Variants in AOPEP observed in about 807,000 individuals in gnomAD.
AOPEP encodes aminopeptidase O (putative).
A neutral mutation model predicts 98.1 loss-of-function variants in AOPEP; 77 were observed. That is an observed-to-expected ratio of 0.78 (90% CI 0.65 to 0.95). AOPEP has a LOEUF of 0.95. Among genes scored for constraint, AOPEP ranks in the 40% least tolerant of loss-of-function variants. The pLI is 0.00. For missense variants in AOPEP, 1,024 were observed against 1,024.7 expected (o/e 1.00, Z 0.01); for synonymous variants, 346 against 365.3 (o/e 0.95, Z 0.60).
intron 13 of AOPEP, among the ~76,000 whole-genome samples, chr9:95,018,104 T>C (rs2133106450): frequency 6.6e-6 from 1 of 152,370 alleles, no homozygotes; most frequent in East Asian, 1.9e-4. Flanking sequence ...CTGGTATAAC[T>C]GTCTTTGTGT....
At chr9:94,832,650 T>C (rs1245988820) in intron 5 of AOPEP, among the ~76,000 whole-genome samples, 1 of 152,164 alleles carries the variant, frequency 6.6e-6, no homozygotes, top group Non-Finnish European at 1.5e-5. Flanking sequence ...TTAAAGAAAC[T>C]GGGATATCCA....
chr9:95,106,646 A>G, the AOPEP span, among the ~76,000 whole-genome samples: 1,054 of 152,314 alleles, frequency 6.9e-3, 13 homozygotes, highest in African/African-American at 0.023. Flanking sequence ...ATTTTTTTAA[A>G]GATTAACAGA....
chr9:94,990,168 C>G (rs1035813395), intron 11 of AOPEP, among the ~76,000 whole-genome samples: 1 of 152,134 alleles, frequency 6.6e-6, no homozygotes, highest in East Asian at 1.9e-4. Flanking sequence ...AAAACAAATA[C>G]GCTTGGAGGG....
At chr9:95,110,531 T>C in the AOPEP span, 4 of 1,031,040 alleles carry the variant, frequency 3.9e-6, no homozygotes, top group Middle Eastern at 4.5e-4. Context: ...CACAAAGCTT[T>C]ATTTCTGATC....
At chr9:95,103,672 G>A in the AOPEP span, among the ~76,000 whole-genome samples, 1 of 152,232 alleles carries the variant, frequency 6.6e-6, no homozygotes, top group Non-Finnish European at 1.5e-5. Flanking sequence ...GGGCCTCATG[G>A]ATGGCGTTCT....
At chr9:94,877,489 C>A (rs1441787111) in intron 5 of AOPEP, among the ~76,000 whole-genome samples, 3 of 145,718 alleles carry the variant, frequency 2.1e-5, no homozygotes, top group Non-Finnish European at 3.0e-5. Context: ...GTGGTGCGAT[C>A]TCGGCTTACT....
the AOPEP span, among the ~76,000 whole-genome samples, chr9:95,144,751 G>A: frequency 3.3e-5 from 5 of 152,164 alleles, no homozygotes; most frequent in Admixed American, 6.5e-5. Flanking sequence ...TTGAAAAATC[G>A]CCGTGGAGAG....
intron 5 of AOPEP, among the ~76,000 whole-genome samples, chr9:94,830,464 C>A (rs978534069): frequency 2.0e-5 from 3 of 152,204 alleles, no homozygotes; most frequent in African/African-American, 7.2e-5. Context: ...GGGTTGATTT[C>A]ATGTCTTTGC....
At chr9:94,786,201 T>C (rs761146384) in intron 3 of AOPEP, among the ~76,000 whole-genome samples, 2 of 152,216 alleles carry the variant, frequency 1.3e-5, no homozygotes, top group Non-Finnish European at 2.9e-5. Context: ...TTATTATGCC[T>C]AGTGATCACT....
chr9:95,041,362 A>T (rs1002839949), intron 13 of AOPEP, among the ~76,000 whole-genome samples: 4 of 142,570 alleles, frequency 2.8e-5, no homozygotes, highest in African/African-American at 1.1e-4. Flanking sequence ...ATAAGATTTA[A>T]AAAAAAAAAA....
At chr9:95,145,294 A>C in the AOPEP span, 1 of 152,218 alleles carries the variant, frequency 6.6e-6, no homozygotes, top group Admixed American at 6.5e-5. Flanking sequence ...AAACATTGAA[A>C]ACACAAATAC....
At chr9:94,937,431 G>C (rs571610023) in intron 7 of AOPEP, among the ~76,000 whole-genome samples, 18 of 152,214 alleles carry the variant, frequency 1.2e-4, no homozygotes, top group African/African-American at 4.3e-4. Context: ...CATTGGAATA[G>C]GCCCACCCTG....
At chr9:94,792,693 G>A (rs1409550549) in intron 3 of AOPEP, 72 bp from the exon 4 acceptor site, 16 of 1,354,866 alleles carry the variant, frequency 1.2e-5, no homozygotes, top group Non-Finnish European at 1.6e-5. Flanking sequence ...CAAGTGCCTC[G>A]AGAAGAAATT....
At chr9:94,969,608 C>T (rs1280949771) in intron 10 of AOPEP, among the ~76,000 whole-genome samples, 1 of 151,964 alleles carries the variant, frequency 6.6e-6, no homozygotes, top group Non-Finnish European at 1.5e-5. Context: ...GGGGTTTCAC[C>T]GTGTTAGCCA....
At chr9:94,743,804 G>A (rs184540899) in intron 1 of AOPEP, among the ~76,000 whole-genome samples, 48 of 152,288 alleles carry the variant, frequency 3.2e-4, no homozygotes, top group South Asian at 2.1e-4. Context: ...GAGGGGAAAC[G>A]TGGATGGGAA....
the AOPEP span, chr9:95,150,148 T>G: frequency 1.3e-6 from 2 of 1,584,818 alleles, no homozygotes; most frequent in Non-Finnish European, 1.7e-6. Context: ...TAAGGACATA[T>G]AAAAACCTTC....
At chr9:94,810,529 G>T (rs900613313) in intron 5 of AOPEP, among the ~76,000 whole-genome samples, 1 of 151,958 alleles carries the variant, frequency 6.6e-6, no homozygotes, top group African/African-American at 2.4e-5. Flanking sequence ...TGGCCAAGCT[G>T]GTCTTGAACT....
At chr9:95,148,437 TA>T in the AOPEP span, among the ~76,000 whole-genome samples, 30 of 152,194 alleles carry the variant, frequency 2.0e-4, no homozygotes, top group Non-Finnish European at 1.9e-4. Context: ...TCTCAATAAT[TA>T]GCAAAGTGAC....
At chr9:94,844,119 G>A (rs997478817) in intron 5 of AOPEP, among the ~76,000 whole-genome samples, 7 of 151,982 alleles carry the variant, frequency 4.6e-5, no homozygotes, top group African/African-American at 1.2e-4. Flanking sequence ...ACAATGATGC[G>A]ATCTCGGCTC....
Sources: allele counts gnomAD v4.1 joint callset (sites outside exome capture counted in the v4.1 genomes callset), GRCh38; gene constraint gnomAD v4.1.1; transcripts MANE v1.5; gene names NCBI Gene and HGNC (gene_info 2026-07-23, HGNC 2026-07-21).